The following ZFAND3 variants were observed in gnomAD, a reference collection of about 807,000 sequenced individuals.
The protein encoded by ZFAND3 is AN1-type zinc finger protein 3.
Under a neutral mutation model 29.6 loss-of-function variants are expected in ZFAND3, and 10 were observed. The observed-to-expected ratio is 0.34, with a 90% confidence interval of 0.21 to 0.57. ZFAND3 has a LOEUF of 0.57. ZFAND3 is among the 20% of genes least tolerant of loss of function. The pLI is 0.86. For missense variants in ZFAND3, 230 were observed against 304.5 expected, an observed-to-expected ratio of 0.76 and a Z score of 1.82; for synonymous variants, 128 against 112.6, an observed-to-expected ratio of 1.14 and a Z score of -0.87.
chr6:38,018,487 G>A (rs1169850741), intron 2 of ZFAND3, among the ~76,000 whole-genome samples: 1 of 152,034 alleles, frequency 6.6e-6, no homozygotes, highest in African/African-American at 2.4e-5. Flanking sequence ...AGGTATAAGG[G>A]TATACGCTAA....
chr6:38,023,133 G>T (rs913865781), intron 2 of ZFAND3, among the ~76,000 whole-genome samples: 1 of 152,194 alleles, frequency 6.6e-6, no homozygotes, highest in African/African-American at 2.4e-5. Flanking sequence ...CTCTAACCAT[G>T]AATCTATAAG....
At chr6:38,019,356 A>G (rs181568050) in intron 2 of ZFAND3, among the ~76,000 whole-genome samples, 62 of 152,226 alleles carry the variant, frequency 4.1e-4, no homozygotes, top group Non-Finnish European at 5.9e-5. Context: ...GATTTCTGTG[A>G]ATTTTGTGTT....
intron 2 of ZFAND3, chr6:38,003,291 T>C (rs1228070882): frequency 6.5e-6 from 1 of 153,532 alleles, no homozygotes; most frequent in Non-Finnish European, 1.5e-5. Flanking sequence ...CTTCTGACTT[T>C]GGATGCACAA....
chr6:37,987,580 A>G (rs962548523), intron 2 of ZFAND3, among the ~76,000 whole-genome samples: 1 of 152,148 alleles, frequency 6.6e-6, no homozygotes, highest in African/African-American at 2.4e-5. Flanking sequence ...GGTTGTTCCA[A>G]CTCACCTGCA....
intron 2 of ZFAND3, among the ~76,000 whole-genome samples, chr6:37,958,800 A>G (rs1416713511): frequency 1.3e-5 from 2 of 152,076 alleles, no homozygotes; most frequent in Non-Finnish European, 2.9e-5. Flanking sequence ...GTATTTTACA[A>G]TTGTAAATTT....
chr6:38,082,846 C>G (rs1450043019), intron 4 of ZFAND3, among the ~76,000 whole-genome samples: 1 of 151,950 alleles, frequency 6.6e-6, no homozygotes, highest in Non-Finnish European at 1.5e-5. Context: ...TTGTAGTATC[C>G]TACTATTTTT....
intron 5 of ZFAND3, among the ~76,000 whole-genome samples, chr6:38,132,893 A>C (rs1170320762): frequency 6.6e-6 from 1 of 152,162 alleles, no homozygotes; most frequent in East Asian, 1.9e-4. Context: ...GTCTGTCACA[A>C]ATCCTCTTCT....
chr6:38,072,136 TTCTCTCTCTC>T (rs56193979), intron 3 of ZFAND3, among the ~76,000 whole-genome samples: 5 of 131,522 alleles, frequency 3.8e-5, no homozygotes, highest in African/African-American at 1.1e-4. Context: ...CATTTTCTGT[TTCTCTCTCTC>T]TCTCTCTCTC....
chr6:38,109,876 T>C (rs1231027305), intron 4 of ZFAND3, among the ~76,000 whole-genome samples: 1 of 151,982 alleles, frequency 6.6e-6, no homozygotes, highest in African/African-American at 2.4e-5. Flanking sequence ...ATGATAAGAG[T>C]TGGCCCCAGG....
In ZFAND3 at chr6:37,923,523, T is replaced by A. The variant is rs191719625; in HGVS notation, c.72-6436T>A. 2.6e-5 allele frequency among the ~76,000 whole-genome samples: 4 copies of A among 152,344 alleles called. No individual in the cohort carries two copies. The East Asian group carries it at 7.7e-4, about 29-fold the overall frequency. ...ACAACTACTTCTTCCTCTTCTTTTT[T>A]TAGTAAGTAGAAGAATTACAGTCTA... On this transcript the variant is annotated intron_variant, in intron 1 of 5. Coordinates refer to ENST00000287218, the MANE Select transcript of ZFAND3 (RefSeq NM_021943.3).
intron 1 of ZFAND3, among the ~76,000 whole-genome samples, chr6:37,891,114 GTCT>G (rs1765089178): frequency 6.6e-6 from 1 of 152,160 alleles, no homozygotes; most frequent in Admixed American, 6.5e-5. Context: ...TCCACTTGCT[GTCT>G]AAAATTTCCT....
At position 38,061,671 on chromosome 6, in the gene ZFAND3, C is replaced by T. The variant is rs1474734937; in HGVS notation, c.191C>T (p.Thr64Ile). ...CAATCAGATTTGTTTTCCGAAGAGA[C>T]CACCAGTGACAACAACAATACCTCG... ...NSQSDLFSEE[T>I]TSDNNNTSIT... The change falls in exon 3 of 6, where the codon ACC becomes ATC. Residue 64 changes from threonine (T) to isoleucine (I), a missense_variant. This residue lies in a region of ZFAND3 where 180 missense variants were observed against 202.5 expected (regional missense o/e 0.89). Transcript: ENST00000287218. 6.2e-7 allele frequency: 1 copy of T among 1,614,196 alleles called. No individual in the cohort carries two copies. The highest frequency in any genetic ancestry group is 8.5e-7 in the Non-Finnish European group (1 of 1,180,028).
chr6:37,918,402 T>C (rs1405988859), intron 1 of ZFAND3, among the ~76,000 whole-genome samples: 1 of 151,142 alleles, frequency 6.6e-6, no homozygotes, highest in Admixed American at 6.6e-5. Flanking sequence ...CTGGATATCC[T>C]CCAGCTTCTA....
chr6:37,822,126 C>T (rs118157163), intron 1 of ZFAND3, among the ~76,000 whole-genome samples: 1 of 152,332 alleles, frequency 6.6e-6, no homozygotes, highest in East Asian at 1.9e-4. Context: ...TGAGCCACCG[C>T]GCCCGGCCAG....
chr6:38,028,212 T>G (rs1287815579), intron 2 of ZFAND3, among the ~76,000 whole-genome samples: 1 of 152,208 alleles, frequency 6.6e-6, no homozygotes, highest in Admixed American at 6.5e-5. Flanking sequence ...AAATTTAGTT[T>G]TAAGAGTACT....
At chr6:38,095,395 A>G (rs1002162318) in intron 4 of ZFAND3, among the ~76,000 whole-genome samples, 9 of 152,162 alleles carry the variant, frequency 5.9e-5, no homozygotes, top group Admixed American at 3.9e-4. Context: ...GCTTTTTAAT[A>G]CAGGTCCCCC....
chr6:37,856,029 CTT>C (rs1314175450), intron 1 of ZFAND3, among the ~76,000 whole-genome samples: 1 of 147,452 alleles, frequency 6.8e-6, no homozygotes, highest in East Asian at 2.0e-4. Flanking sequence ...TTTTCTTCTT[CTT>C]TTTTTATTTT....
chr6:38,116,696 C>T lies in ZFAND3; in HGVS notation c.486C>T (p.Thr162=). Residue 162 remains threonine, a synonymous_variant, in exon 5 of 6, where the codon ACC becomes ACT. Transcript: ENST00000287218. ...GACGTCGGTGCTTCCAGTGCCAAAC[C>T]AAACTGGAGCTGGTGCAGCAGGAAT... is the stretch of plus-strand genomic sequence containing the variant. The part of the protein sequence containing the change: ...KSRRRCFQCQ[T]KLELVQQELG... The T allele has an allele frequency of 6.2e-7, 1 of 1,614,072 alleles. No homozygotes were observed. Among genetic ancestry groups the T allele is most frequent in the East Asian group, 2.2e-5 (1 of 44,886 alleles).
chr6:37,928,520 T>C (rs1761530545), intron 1 of ZFAND3, among the ~76,000 whole-genome samples: 1 of 151,984 alleles, frequency 6.6e-6, no homozygotes, highest in African/African-American at 2.4e-5. Context: ...TCATTATTAT[T>C]TATTATTACT....
Sources: gnomAD v4.1 joint callset for allele counts (sites outside exome capture counted in the v4.1 genomes callset) on GRCh38, gnomAD v4.1.1 for gene constraint, gnomAD v4.1.1 regional missense constraint, MANE v1.5 for transcripts, NCBI Gene and HGNC (gene_info 2026-07-23, HGNC 2026-07-21) for gene names.